FSTL4: variants seen among roughly 807,000 people sequenced by gnomAD.
The protein encoded by FSTL4 is follistatin-related protein 4.
In FSTL4, 28 loss-of-function variants were observed where a neutral mutation model predicts 78.2. The observed-to-expected ratio is 0.36, with a 90% CI of 0.27 to 0.49. The LOEUF (loss-of-function observed/expected upper bound fraction) is 0.49. FSTL4 is among the 20% of genes least tolerant of loss of function. The pLI is 0.98. For missense variants in FSTL4, 922 were observed against 1,084.9 expected, an observed-to-expected ratio of 0.85 and a Z score of 2.11; for synonymous variants, 422 against 440.5, an observed-to-expected ratio of 0.96 and a Z score of 0.53.
chr5:133,740,473 C>T, the FSTL4 span, among the ~76,000 whole-genome samples: 1 of 152,176 alleles, frequency 6.6e-6, no homozygotes, highest in African/African-American at 2.4e-5. Flanking sequence ...CCACTCCTCA[C>T]CGCAGGCCAC....
chr5:133,347,306 G>A (rs1283388627), intron 4 of FSTL4, among the ~76,000 whole-genome samples: 1 of 152,126 alleles, frequency 6.6e-6, no homozygotes, highest in Non-Finnish European at 1.5e-5. Flanking sequence ...TGCTCCCTGG[G>A]CAGCGTACAG....
At chr5:133,690,836 C>T in the FSTL4 span, among the ~76,000 whole-genome samples, 2 of 152,210 alleles carry the variant, frequency 1.3e-5, no homozygotes, top group African/African-American at 2.4e-5. Flanking sequence ...AATAATTTTC[C>T]TCTGCCCACC....
the FSTL4 span, among the ~76,000 whole-genome samples, chr5:133,773,189 C>G: frequency 1.3e-5 from 2 of 150,242 alleles, no homozygotes; most frequent in Admixed American, 1.3e-4. Context: ...TCAAGAATGA[C>G]TAAGTGATTT....
chr5:133,716,825 C>G, the FSTL4 span, among the ~76,000 whole-genome samples: 9 of 152,210 alleles, frequency 5.9e-5, no homozygotes, highest in East Asian at 1.7e-3. Context: ...TTTTATGAAT[C>G]ACAGAAACAA....
At chr5:133,217,888 C>T (rs1750966421) in intron 12 of FSTL4, among the ~76,000 whole-genome samples, 1 of 152,220 alleles carries the variant, frequency 6.6e-6, no homozygotes, top group African/African-American at 2.4e-5. Flanking sequence ...TTGCTGGACT[C>T]TGCTCAGTGT....
At chr5:133,418,052 A>G (rs1756614871) in intron 3 of FSTL4, among the ~76,000 whole-genome samples, 1 of 151,640 alleles carries the variant, frequency 6.6e-6, no homozygotes, top group African/African-American at 2.4e-5. Context: ...TTCCACCTCA[A>G]GAATAAAGAA....
the FSTL4 span, among the ~76,000 whole-genome samples, chr5:133,770,219 A>G: frequency 6.6e-6 from 1 of 152,176 alleles, no homozygotes. Flanking sequence ...TCATTTTAAT[A>G]TAATTATTTC....
intron 6 of FSTL4, among the ~76,000 whole-genome samples, chr5:133,267,144 A>G (rs1048446587): frequency 6.6e-6 from 1 of 152,174 alleles, no homozygotes. Context: ...GTGATGATTC[A>G]ACAGGTTCTG....
intron 4 of FSTL4, among the ~76,000 whole-genome samples, chr5:133,356,675 T>C (rs1179376544): frequency 6.6e-6 from 1 of 152,180 alleles, no homozygotes; most frequent in Non-Finnish European, 1.5e-5. Context: ...AACTGCAGGG[T>C]TGCCACAAGA....
chr5:133,732,822 C>T, the FSTL4 span, among the ~76,000 whole-genome samples: 1 of 152,210 alleles, frequency 6.6e-6, no homozygotes, highest in Non-Finnish European at 1.5e-5. Flanking sequence ...CAGTTGGCTA[C>T]CCCTGATGAA....
the FSTL4 span, among the ~76,000 whole-genome samples, chr5:133,793,516 G>C: frequency 9.8e-3 from 1,488 of 152,328 alleles, 26 homozygotes; most frequent in African/African-American, 0.034. Context: ...CTAAGTCCCT[G>C]GTTCAAGGTC....
intron 13 of FSTL4, among the ~76,000 whole-genome samples, 175 bp from the exon 14 acceptor site, chr5:133,210,473 A>G (rs1413261725): frequency 1.1e-4 from 4 of 37,940 alleles, no homozygotes; most frequent in Non-Finnish European, 1.7e-4. Flanking sequence ...CAGAGGCATT[A>G]TTATTATTAT....
chr5:133,437,473 T>C (rs1366598595), intron 3 of FSTL4, among the ~76,000 whole-genome samples: 2 of 148,594 alleles, frequency 1.3e-5, no homozygotes, highest in East Asian at 3.9e-4. Context: ...ATATAGTATA[T>C]AGTAAATAGG....
intron 3 of FSTL4, among the ~76,000 whole-genome samples, chr5:133,561,975 T>C (rs555244946): frequency 6.6e-6 from 1 of 152,212 alleles, no homozygotes; most frequent in East Asian, 1.9e-4. Context: ...TTCTGTGAGG[T>C]TGGGAGACAG....
At chr5:133,294,318 C>T (rs985777120) in intron 6 of FSTL4, among the ~76,000 whole-genome samples, 11 of 152,128 alleles carry the variant, frequency 7.2e-5, no homozygotes, top group Admixed American at 7.2e-4. Flanking sequence ...GAGGACATCC[C>T]CTGATTTGAG....
chr5:133,290,468 C>T (rs1353515536), intron 6 of FSTL4, among the ~76,000 whole-genome samples: 3 of 152,262 alleles, frequency 2.0e-5, no homozygotes, highest in African/African-American at 7.2e-5. Context: ...CCCTCTTCAT[C>T]TGGCATCCCT....
the FSTL4 span, among the ~76,000 whole-genome samples, chr5:133,813,917 T>G: frequency 6.6e-6 from 1 of 152,172 alleles, no homozygotes; most frequent in Non-Finnish European, 1.5e-5. Flanking sequence ...TGAGAGCAAC[T>G]CCATTGCAAA....
intron 3 of FSTL4, among the ~76,000 whole-genome samples, chr5:133,472,642 A>G (rs1364893397): frequency 2.0e-5 from 3 of 152,248 alleles, no homozygotes; most frequent in African/African-American, 4.8e-5. Context: ...GAACTAAATG[A>G]AATACTAGGA....
Position 133,537,370 on chromosome 5 carries a change from G to C in FSTL4, c.160+29816C>G, listed in dbSNP as rs147420137. ...GCTTTATATTTTTGATGCCAGTAGT[G>C]GTATCAATTTTAAATTACATTTTCT... On this transcript the variant is annotated intron_variant, in intron 3 of 15. Transcript: ENST00000265342. 7.5e-4 allele frequency among the ~76,000 whole-genome samples: 114 copies of C among 152,082 alleles called. 1 individual carries two copies. The East Asian group carries it at 0.019, about 25-fold the overall frequency.
Sources: gnomAD v4.1 joint callset for allele counts (sites outside exome capture counted in the v4.1 genomes callset) on GRCh38, gnomAD v4.1.1 for gene constraint, MANE v1.5 for transcripts, NCBI Gene and HGNC (gene_info 2026-07-23, HGNC 2026-07-21) for gene names.